The following CAMK1D variants were observed in gnomAD, a reference collection of about 807,000 sequenced individuals.
CAMK1D encodes calcium/calmodulin-dependent protein kinase type 1D.
A neutral mutation model predicts 47.7 loss-of-function variants in CAMK1D; 9 were observed. The observed-to-expected ratio is 0.19, with a 90% CI of 0.11 to 0.33. The LOEUF is 0.33. CAMK1D is among the 10% of genes least tolerant of loss of function. The pLI, the probability that CAMK1D is intolerant of heterozygous loss-of-function variation, is 1.00. For missense variants in CAMK1D, 291 were observed against 488.7 expected (o/e 0.60, Z 3.81); for synonymous variants, 184 against 184.9 (o/e 0.99, Z 0.04).
chr10:12,467,101 C>T (rs980977605), intron 1 of CAMK1D, among the ~76,000 whole-genome samples: 4 of 151,924 alleles, frequency 2.6e-5, no homozygotes, highest in Admixed American at 2.0e-4. Flanking sequence ...GTAGATGCTG[C>T]CATGTGGAAC....
At chr10:12,698,157 T>C (rs1833370189) in intron 3 of CAMK1D, among the ~76,000 whole-genome samples, 1 of 152,206 alleles carries the variant, frequency 6.6e-6, no homozygotes, top group South Asian at 2.1e-4. Flanking sequence ...AGAAACATAA[T>C]ACTTGCCCAA....
At chr10:12,782,766 C>CAACTCTTCCAAATTGAGCTCCAGTTCTTT (rs1484053683) in intron 5 of CAMK1D, among the ~76,000 whole-genome samples, 2 of 152,142 alleles carry the variant, frequency 1.3e-5, no homozygotes, top group Non-Finnish European at 2.9e-5. Flanking sequence ...AGGCCATGTG[C>CAACTCTTCCAAATTGAGCTCCAGTTCTTT]AACTCTTCCA....
intron 2 of CAMK1D, among the ~76,000 whole-genome samples, chr10:12,643,901 T>A (rs1588725153): frequency 6.9e-6 from 1 of 145,984 alleles, no homozygotes; most frequent in African/African-American, 2.6e-5. Context: ...AAAAAAAAAA[T>A]CTAATGCGTG....
chr10:12,789,250 G>T (rs188543062), intron 5 of CAMK1D, among the ~76,000 whole-genome samples: 3 of 151,968 alleles, frequency 2.0e-5, no homozygotes, highest in Admixed American at 1.3e-4. Context: ...GCTACTATTA[G>T]TATTAGTGTA....
intron 3 of CAMK1D, among the ~76,000 whole-genome samples, chr10:12,692,923 A>C (rs1391912165): frequency 6.6e-6 from 1 of 152,212 alleles, no homozygotes; most frequent in African/African-American, 2.4e-5. Context: ...ATTTTATGTG[A>C]AAATGTGGCT....
At chr10:12,742,973 G>T (rs1472606506) in intron 3 of CAMK1D, among the ~76,000 whole-genome samples, 1 of 152,186 alleles carries the variant, frequency 6.6e-6, no homozygotes, top group African/African-American at 2.4e-5. Context: ...GGGAAAGGAG[G>T]CATAGCTCTG....
At chr10:12,482,263 C>G (rs530114781) in intron 1 of CAMK1D, among the ~76,000 whole-genome samples, 13 of 152,320 alleles carry the variant, frequency 8.5e-5, no homozygotes, top group African/African-American at 2.9e-4. Context: ...CTGTGCCCAG[C>G]AGCACTTTGG....
chr10:12,460,845 G>A (rs1409360066), intron 1 of CAMK1D, among the ~76,000 whole-genome samples: 1 of 152,174 alleles, frequency 6.6e-6, no homozygotes, highest in Non-Finnish European at 1.5e-5. Flanking sequence ...GGGATTACAG[G>A]TGTGAGCCAG....
intron 2 of CAMK1D, among the ~76,000 whole-genome samples, chr10:12,579,745 T>C (rs1462313931): frequency 6.6e-6 from 1 of 152,246 alleles, no homozygotes; most frequent in East Asian, 1.9e-4. Flanking sequence ...ATTGTCTCTC[T>C]GTGCTCTTAG....
chr10:12,811,905 T>C (rs1338478363), intron 6 of CAMK1D, among the ~76,000 whole-genome samples: 1 of 152,252 alleles, frequency 6.6e-6, no homozygotes, highest in Non-Finnish European at 1.5e-5. Context: ...CAGTGAACTA[T>C]GTGCCTGGTG....
intron 1 of CAMK1D, among the ~76,000 whole-genome samples, chr10:12,375,752 A>G (rs934184114): frequency 6.6e-6 from 1 of 152,064 alleles, no homozygotes; most frequent in Admixed American, 6.6e-5. Flanking sequence ...GGCTTGTTGT[A>G]GTCTTGACAT....
chr10:12,816,786 C>T (rs530745963), intron 8 of CAMK1D, among the ~76,000 whole-genome samples: 245 of 149,832 alleles, frequency 1.6e-3, no homozygotes, highest in Non-Finnish European at 1.7e-3. Flanking sequence ...TCAGGACAAT[C>T]GCTTGAACTC....
intron 1 of CAMK1D, among the ~76,000 whole-genome samples, chr10:12,425,284 C>CTTTT (rs778105667): frequency 7.1e-6 from 1 of 140,990 alleles, no homozygotes. Context: ...TTCTTTCTTT[C>CTTTT]TTTTTTTTTT....
intron 3 of CAMK1D, among the ~76,000 whole-genome samples, chr10:12,695,022 CGATAGATA>C (rs563091966): frequency 0.019 from 2,744 of 144,066 alleles, 79 homozygotes; most frequent in African/African-American, 0.057. Context: ...ATAAATCTCT[CGATAGATA>C]GATAGATAGA....
chr10:12,734,346 ATATATATATATATATAT>A (rs1419418947), intron 3 of CAMK1D, among the ~76,000 whole-genome samples: 3 of 4,580 alleles, frequency 6.6e-4, no homozygotes, highest in African/African-American at 1.4e-3. Context: ...AAAAAAAAAA[ATATATATATATATATAT>A]ATATATATAT....
chr10:12,413,245 G>A (rs138804980), intron 1 of CAMK1D, among the ~76,000 whole-genome samples: 37 of 152,240 alleles, frequency 2.4e-4, no homozygotes, highest in African/African-American at 8.4e-4. Flanking sequence ...GAAAGCAGGA[G>A]CAAGTGAGAG....
intron 3 of CAMK1D, among the ~76,000 whole-genome samples, chr10:12,685,255 C>T (rs139211169): frequency 1.5e-3 from 235 of 152,312 alleles, no homozygotes; most frequent in African/African-American, 5.1e-3. Flanking sequence ...GAGCCGAGAT[C>T]ATGCCACTGC....
chr10:12,673,636 G>C (rs187017112), intron 3 of CAMK1D, among the ~76,000 whole-genome samples: 1 of 152,126 alleles, frequency 6.6e-6, no homozygotes, highest in Non-Finnish European at 1.5e-5. Flanking sequence ...TGATAGTTTA[G>C]TTCTAAGTAT....
chr10:12,416,499 C>T (rs770217228), intron 1 of CAMK1D, among the ~76,000 whole-genome samples: 39 of 152,236 alleles, frequency 2.6e-4, no homozygotes, highest in Non-Finnish European at 4.4e-4. Flanking sequence ...GCTCCTGTCT[C>T]TGCTCTGCTG....
Sources: gnomAD v4.1 joint callset for allele counts (sites outside exome capture counted in the v4.1 genomes callset) on GRCh38, gnomAD v4.1.1 for gene constraint, MANE v1.5 for transcripts, NCBI Gene and HGNC (gene_info 2026-07-23, HGNC 2026-07-21) for gene names.